Variants in MID1 observed in about 807,000 individuals in gnomAD.
The protein encoded by MID1 is E3 ubiquitin-protein ligase Midline-1.
In MID1, 7 loss-of-function variants were observed where a neutral mutation model predicts 40.4. The ratio of observed to expected loss-of-function variants is 0.17; its 90% CI spans 0.10 to 0.33. MID1 has a LOEUF of 0.33. Among genes scored for constraint, MID1 ranks in the 10% least tolerant of loss-of-function variants. MID1 has a pLI of 1.00. For missense variants in MID1, 367 were observed against 558.5 expected (o/e 0.66, Z 3.46); for synonymous variants, 229 against 221.2 (o/e 1.04, Z -0.31).
intron 2 of MID1, among the ~76,000 whole-genome samples, chrX:10,541,047 G>A (rs1022971864): frequency 1.5e-4 from 17 of 112,116 alleles, no homozygotes; most frequent in African/African-American, 5.2e-4. Context: ...CTCTTGAATG[G>A]GCACTCAGGT....
At chrX:10,803,315 A>G (rs1198273101) in intron 1 of MID1, among the ~76,000 whole-genome samples, 1 of 110,078 alleles carries the variant, frequency 9.1e-6, no homozygotes, top group Non-Finnish European at 1.9e-5. Flanking sequence ...TGCTTATATT[A>G]TGCTTCATAC....
chrX:10,778,019 G>C (rs2043818531), intron 1 of MID1, among the ~76,000 whole-genome samples: 2 of 111,436 alleles, frequency 1.8e-5, no homozygotes, highest in Non-Finnish European at 3.8e-5. Context: ...ACCTGCCTAA[G>C]GCTGTTTTAC....
chrX:10,767,313 T>G (rs1194023285), intron 1 of MID1, among the ~76,000 whole-genome samples: 1 of 89,755 alleles, frequency 1.1e-5, no homozygotes, highest in East Asian at 1.0e-3. Context: ...AGCCTTTTGA[T>G]TTCTTTCTTT....
intron 1 of MID1, among the ~76,000 whole-genome samples, chrX:10,609,562 C>T (rs1569126679): frequency 9.0e-6 from 1 of 110,598 alleles, no homozygotes; most frequent in Non-Finnish European, 1.9e-5. Context: ...TAAGATGTGG[C>T]ACGTTAGGGT....
intron 2 of MID1, among the ~76,000 whole-genome samples, chrX:10,536,721 G>C (rs1006749003): frequency 4.5e-5 from 5 of 112,095 alleles, no homozygotes; most frequent in African/African-American, 1.6e-4. Context: ...CTGGGGAGCC[G>C]GTTAAAAATA....
At chrX:10,675,610 T>C (rs1487150035) in intron 1 of MID1, among the ~76,000 whole-genome samples, 1 of 111,643 alleles carries the variant, frequency 9.0e-6, no homozygotes, top group African/African-American at 3.3e-5. Flanking sequence ...CTCTTCAGGC[T>C]CAAGTTTGCC....
intron 1 of MID1, among the ~76,000 whole-genome samples, chrX:10,751,827 C>A (rs1041992368): frequency 1.8e-5 from 2 of 112,010 alleles, no homozygotes; most frequent in Non-Finnish European, 3.8e-5. Context: ...ATGTGACCCC[C>A]AATATTGGAG....
intron 1 of MID1, among the ~76,000 whole-genome samples, chrX:10,610,041 G>A (rs1935709040): frequency 8.9e-6 from 1 of 112,043 alleles, no homozygotes; most frequent in African/African-American, 3.2e-5. Context: ...TCTAAACAGA[G>A]GATATGAGCA....
chrX:10,602,713 T>C (rs1296392433), intron 1 of MID1, among the ~76,000 whole-genome samples: 2 of 112,441 alleles, frequency 1.8e-5, no homozygotes, highest in Non-Finnish European at 3.8e-5. Context: ...TCTTCTGGGT[T>C]TTTCAAAACG....
intron 1 of MID1, among the ~76,000 whole-genome samples, chrX:10,722,042 G>A (rs1168042481): frequency 9.0e-6 from 1 of 111,334 alleles, no homozygotes; most frequent in African/African-American, 3.3e-5. Flanking sequence ...ATCTCTGAAT[G>A]AATGTGTGAT....
chrX:10,734,169 A>G (rs144473246), intron 1 of MID1, among the ~76,000 whole-genome samples: 1 of 112,466 alleles, frequency 8.9e-6, no homozygotes, highest in East Asian at 2.8e-4. Context: ...TGGACAAAGA[A>G]AATGTGGTAC....
chrX:10,714,245 C>T (rs2043286659), intron 1 of MID1, among the ~76,000 whole-genome samples: 1 of 112,688 alleles, frequency 8.9e-6, no homozygotes, highest in Non-Finnish European at 1.9e-5. Context: ...CTTCTTTGTG[C>T]TGGTCATTTG....
At position 10,495,699 on chromosome X, in the gene MID1, A is replaced by G. The variant is rs770743900; in HGVS notation, c.757-8T>C. ...TTGACGTGATGCATTGACCTACAGGATAAGTACAATGGTAAGTGTTAATTT... is the reference window on the plus strand; with the variant it reads ...TTGACGTGATGCATTGACCTACAGGGTAAGTACAATGGTAAGTGTTAATTT... On this transcript the variant is annotated splice_polypyrimidine_tract_variant and splice_region_variant and intron_variant, in intron 3 of 9. Coordinates refer to ENST00000317552, the MANE Select transcript of MID1 (RefSeq NM_000381.4). 7.0e-6 allele frequency: 8 copies of G among 1,136,928 alleles called. No homozygotes were observed. The highest frequency in any genetic ancestry group is 8.4e-6 in the Non-Finnish European group (7 of 828,568). 93.7% of individuals were successfully genotyped at this position (1,136,928 alleles called of 1,213,427 possible).
intron 1 of MID1, among the ~76,000 whole-genome samples, chrX:10,694,618 G>A (rs918308435): frequency 1.8e-5 from 2 of 112,098 alleles, no homozygotes; most frequent in African/African-American, 6.5e-5. Flanking sequence ...GGATGGTGGA[G>A]AAAGTGTTCC....
intron 3 of MID1, among the ~76,000 whole-genome samples, chrX:10,516,644 T>C (rs1932462114): frequency 9.4e-6 from 1 of 106,790 alleles, no homozygotes; most frequent in African/African-American, 3.4e-5. Context: ...AGAGACAGGG[T>C]CTCACTCTGT....
At chrX:10,806,388 C>A (rs1183832224) in intron 1 of MID1, among the ~76,000 whole-genome samples, 2 of 112,129 alleles carry the variant, frequency 1.8e-5, no homozygotes, top group African/African-American at 6.5e-5. Flanking sequence ...GCTTCTGCTT[C>A]AGGTAAACTG....
intron 2 of MID1, among the ~76,000 whole-genome samples, chrX:10,566,308 A>G (rs956803512): frequency 9.0e-6 from 1 of 111,053 alleles, no homozygotes; most frequent in African/African-American, 3.3e-5. Context: ...AATAAGCTGG[A>G]TATCGTTTAT....
At chrX:10,721,719 T>TAA (rs55797465) in intron 1 of MID1, among the ~76,000 whole-genome samples, 5 of 92,322 alleles carry the variant, frequency 5.4e-5, no homozygotes, top group African/African-American at 1.2e-4. Context: ...GATTTAAATC[T>TAA]AAAAAAAAAA....
chrX:10,482,408 C>T, intron 5 of MID1, 72 bp downstream of exon 5: 1 of 1,098,081 alleles, frequency 9.1e-7, no homozygotes, highest in Non-Finnish European at 1.3e-6. Flanking sequence ...AAGGCGAGGG[C>T]AAGACCAACC....
Sources: allele counts gnomAD v4.1 joint callset (sites outside exome capture counted in the v4.1 genomes callset), GRCh38; gene constraint gnomAD v4.1.1; transcripts MANE v1.5; gene names NCBI Gene and HGNC (gene_info 2026-07-23, HGNC 2026-07-21).